KIRREL3: variants seen among roughly 807,000 people sequenced by gnomAD.
KIRREL3 encodes the protein kirre like nephrin family adhesion molecule 3.
KIRREL3 carries 36 observed loss-of-function variants against 89.7 expected under a neutral mutation model. The ratio of observed to expected loss-of-function variants is 0.40; its 90% CI spans 0.31 to 0.53. The LOEUF (loss-of-function observed/expected upper bound fraction) is 0.53. KIRREL3 is among the 20% of genes least tolerant of loss of function. The pLI, the probability that KIRREL3 is intolerant of heterozygous loss-of-function variation, is 0.49. For missense variants in KIRREL3, 864 were observed against 1,056.6 expected (o/e 0.82, Z 2.53); for synonymous variants, 445 against 441.4 (o/e 1.01, Z -0.10).
At chr11:126,458,798 T>A (rs1956454198) in intron 6 of KIRREL3, among the ~76,000 whole-genome samples, 1 of 152,196 alleles carries the variant, frequency 6.6e-6, no homozygotes, top group Non-Finnish European at 1.5e-5. Flanking sequence ...TTGTAAGGCA[T>A]AATTCAAGTG....
rs1358831615 is a variant in KIRREL3 at position 126,429,039 on chromosome 11, C to G, written c.1806+140G>C. 3.2e-6 allele frequency: 2 copies of G among 619,590 alleles called. No homozygotes were observed. Among genetic ancestry groups the G allele is most frequent in the Non-Finnish European group, 5.9e-6 (2 of 341,498 alleles). The allele number at this position is 619,590 out of a possible 1,614,324, so 38.4% of individuals were successfully genotyped here. A position where few individuals can be genotyped will look rare whatever the true frequency, so the allele number is the denominator to read the frequency against. ...ATTTGTTGGCTGAGAGTGTGTGCCT[C>G]ACCTATTGTGGGGTGGGCAGGGGGC... On this transcript the variant is annotated intron_variant, in intron 15 of 16. Transcript: ENST00000525144. This position sits in a 1 kb window ranked among gnomAD's most constrained non-coding sequence, Gnocchi z 5.2.
rs1355540934 is a variant in KIRREL3, at chr11:126,782,081, T to C, written c.55+218374A>G. ...GAGACAATGCGATGTGCTCAGCATA[T>C]AATTTCCTCCTCCTGGGTTCACAGG... On this transcript the variant is annotated intron_variant, in intron 1 of 16. Transcript: ENST00000525144. The surrounding 1 kb of genome is among the most constrained non-coding windows in gnomAD (Gnocchi z 4.1). Among the ~76,000 whole-genome samples, 1 of 141,688 alleles carries C rather than the reference T, an allele frequency of 7.1e-6. No individual in the cohort carries two copies. Among genetic ancestry groups the C allele is most frequent in the Non-Finnish European group, 1.6e-5 (1 of 63,450 alleles). 93.0% of individuals were successfully genotyped at this position (141,688 alleles called of 152,430 possible). A position where few individuals can be genotyped will look rare whatever the true frequency, so the allele number is the denominator to read the frequency against.
In KIRREL3 at chr11:126,669,623, G is replaced by A. The variant is rs760987273; in HGVS notation, c.56-106711C>T. ...GGTTGACTCATTCAAGCCCTCCCAC[G>A]AGTCAGATTACCCAGTCAGCCAGTA... On this transcript the variant is annotated intron_variant, in intron 1 of 16. Coordinates refer to ENST00000525144, the MANE Select transcript of KIRREL3 (RefSeq NM_032531.4). This position sits in a 1 kb window ranked among gnomAD's most constrained non-coding sequence, Gnocchi z 5.0. Among the ~76,000 whole-genome samples the A allele has an allele frequency of 1.6e-4, 24 of 152,106 alleles. No individual in the cohort carries two copies. Among genetic ancestry groups the A allele is most frequent in the Non-Finnish European group, 2.9e-4 (20 of 68,034 alleles).
chr11:126,861,322 T>C (rs746861045), intron 1 of KIRREL3, among the ~76,000 whole-genome samples: 2 of 151,428 alleles, frequency 1.3e-5, no homozygotes, highest in Non-Finnish European at 2.9e-5. Flanking sequence ...AGGAAGGAGG[T>C]AGTATTTCCT....
intron 1 of KIRREL3, among the ~76,000 whole-genome samples, chr11:126,665,227 G>A (rs971742755): frequency 1.3e-5 from 2 of 152,190 alleles, no homozygotes; most frequent in Non-Finnish European, 2.9e-5. Flanking sequence ...TCTGGGAATG[G>A]TGTCTGCAGG....
chr11:126,743,463 A>G (rs1474571831), intron 1 of KIRREL3, among the ~76,000 whole-genome samples: 1 of 152,252 alleles, frequency 6.6e-6, no homozygotes, highest in Non-Finnish European at 1.5e-5. Context: ...CTGCATGTCT[A>G]GGAGATGTTC....
Position 126,615,006 on chromosome 11 carries a change from G to A in KIRREL3, c.56-52094C>T, listed in dbSNP as rs113749023. Among the ~76,000 whole-genome samples the A allele has an allele frequency of 5.3e-4, 80 of 152,242 alleles. No homozygotes were observed. Among genetic ancestry groups the A allele is most frequent in the African/African-American group, 1.9e-3 (78 of 41,544 alleles). The stretch of plus-strand genomic sequence containing the variant: ...GAAAAGGGGGGACTTGGGGAGAGGC[G>A]TGATTTGCGGTCTTCAAGAGGCTGA... On this transcript the variant is annotated intron_variant, in intron 1 of 16. Coordinates refer to ENST00000525144, the MANE Select transcript of KIRREL3 (RefSeq NM_032531.4). The surrounding 1 kb of genome is among the most constrained non-coding windows in gnomAD (Gnocchi z 5.4).
Position 126,627,226 on chromosome 11 carries a change from G to C in KIRREL3, c.56-64314C>G, listed in dbSNP as rs116925942. Reference sequence around the variant, plus strand: ...GAGGAACTGAAAGAGCCAGGGCACAGAGTGTGAAAGGGACCTATTTGGGAG... The same window carrying C: ...GAGGAACTGAAAGAGCCAGGGCACACAGTGTGAAAGGGACCTATTTGGGAG... On this transcript the variant is annotated intron_variant, in intron 1 of 16. Coordinates refer to ENST00000525144, the MANE Select transcript of KIRREL3 (RefSeq NM_032531.4). This position sits in a 1 kb window ranked among gnomAD's most constrained non-coding sequence, Gnocchi z 5.0. Among the ~76,000 whole-genome samples, 1,028 of 152,316 alleles carry C rather than the reference G, an allele frequency of 6.7e-3. 6 individuals carry two copies. The highest frequency in any genetic ancestry group is 0.012 in the Non-Finnish European group (811 of 68,024).
Position 126,521,460 on chromosome 11 carries a change from G to A in KIRREL3, c.288C>T (p.Tyr96=). 1 of 1,581,558 alleles carries A rather than the reference G, an allele frequency of 6.3e-7. No homozygotes were observed. Among genetic ancestry groups the A allele is most frequent in the Non-Finnish European group, 8.6e-7 (1 of 1,163,790 alleles). The change falls in exon 4 of 17, where the codon TAC becomes TAT. Residue 96 remains tyrosine (Y), a synonymous_variant. Coordinates refer to ENST00000525144, the MANE Select transcript of KIRREL3 (RefSeq NM_032531.4). This position sits in a 1 kb window ranked among gnomAD's most constrained non-coding sequence, Gnocchi z 4.1. ...ALGVGRDLSS[Y]PQYLVVGNHL... is the part of the protein sequence containing the mutation. ...GGTTCCCTACCACCAGGTACTGTGG[G>A]TAACCTGTGGAGACAACAGGCAGGT... is the stretch of plus-strand genomic sequence containing the variant.
At chr11:126,922,827 A>G (rs1435480815) in intron 1 of KIRREL3, among the ~76,000 whole-genome samples, 2 of 152,230 alleles carry the variant, frequency 1.3e-5, no homozygotes, top group East Asian at 1.9e-4. Flanking sequence ...AGTTCCTTGC[A>G]TTTCCCGGAC....
chr11:126,668,433 A>G lies in KIRREL3; in HGVS notation c.56-105521T>C, dbSNP rs907908929. The stretch of plus-strand genomic sequence containing the variant: ...CCATTCAGAATAAAACACCCTGGCT[A>G]TAGAAGAGAGGTGGCTTTTCCTCTC... On this transcript the variant is annotated intron_variant, in intron 1 of 16. Transcript: ENST00000525144. The surrounding 1 kb of genome is among the most constrained non-coding windows in gnomAD (Gnocchi z 4.4). Among the ~76,000 whole-genome samples, 5 of 152,158 alleles carry G rather than the reference A, an allele frequency of 3.3e-5. No individual in the cohort carries two copies. Among genetic ancestry groups the G allele is most frequent in the African/African-American group, 7.2e-5 (3 of 41,432 alleles).
At chr11:126,702,977 G>A (rs909509202) in intron 1 of KIRREL3, among the ~76,000 whole-genome samples, 15 of 152,226 alleles carry the variant, frequency 9.9e-5, no homozygotes, top group Admixed American at 6.5e-4. Context: ...GGCCCCTGAG[G>A]GCAATTGTTG....
chr11:126,845,942 G>A (rs1565346801), intron 1 of KIRREL3, among the ~76,000 whole-genome samples: 1 of 151,926 alleles, frequency 6.6e-6, no homozygotes, highest in African/African-American at 2.4e-5. Flanking sequence ...TGTTTGGGGG[G>A]AAAAAACACA....
chr11:126,616,648 G>C (rs150415936), intron 1 of KIRREL3, among the ~76,000 whole-genome samples: 1 of 152,198 alleles, frequency 6.6e-6, no homozygotes, highest in East Asian at 1.9e-4. Context: ...GGCTTTTGTT[G>C]TTGTTGGTTT....
At chr11:126,483,717 T>A (rs1336520577) in intron 4 of KIRREL3, among the ~76,000 whole-genome samples, 1 of 152,242 alleles carries the variant, frequency 6.6e-6, no homozygotes. Flanking sequence ...GTGTGACCAT[T>A]AACTCTTCTG....
At chr11:126,707,476 C>T (rs1168361425) in intron 1 of KIRREL3, among the ~76,000 whole-genome samples, 2 of 152,136 alleles carry the variant, frequency 1.3e-5, no homozygotes, top group Non-Finnish European at 2.9e-5. Flanking sequence ...CAAAACACTG[C>T]TTGGTCATAT....
Position 126,763,970 on chromosome 11 carries a change from C to T in KIRREL3, c.56-201058G>A, listed in dbSNP as rs77270915. ...GTATCTTTTTTCCCCCACAACTCTG[C>T]ATTCCCCTCCCCATCCACAGCATAG... On this transcript the variant is annotated intron_variant, in intron 1 of 16. Coordinates refer to ENST00000525144, the MANE Select transcript of KIRREL3 (RefSeq NM_032531.4). The surrounding 1 kb of genome is among the most constrained non-coding windows in gnomAD (Gnocchi z 4.7). 3.6e-4 allele frequency among the ~76,000 whole-genome samples: 55 copies of T among 152,288 alleles called. No homozygotes were observed. The highest frequency in any genetic ancestry group is 6.2e-4 in the Non-Finnish European group (42 of 68,016).
Position 126,904,608 on chromosome 11 carries a change from G to A in KIRREL3, c.55+95847C>T, listed in dbSNP as rs1946501252. 6.6e-6 allele frequency among the ~76,000 whole-genome samples: 1 copy of A among 152,156 alleles called. No homozygotes were observed. The highest frequency in any genetic ancestry group is 1.5e-5 in the Non-Finnish European group (1 of 68,018). ...CTTTAAATACATGTTTTTGACATCA[G>A]GAAAAGAAATAATCTGTCTTACAAG... On this transcript the variant is annotated intron_variant, in intron 1 of 16. Transcript: ENST00000525144. The surrounding 1 kb of genome is among the most constrained non-coding windows in gnomAD (Gnocchi z 4.4).
intron 2 of KIRREL3, among the ~76,000 whole-genome samples, chr11:126,554,044 A>C (rs1313926980): frequency 6.6e-6 from 1 of 152,112 alleles, no homozygotes. Flanking sequence ...ATCCAGCAGC[A>C]CCTCACACAG....
Sources: gnomAD v4.1 joint callset for allele counts (sites outside exome capture counted in the v4.1 genomes callset) on GRCh38, gnomAD v4.1.1 for gene constraint, Gnocchi (gnomAD v3.1) non-coding constraint, MANE v1.5 for transcripts, NCBI Gene and HGNC (gene_info 2026-07-23, HGNC 2026-07-21) for gene names.